MAML3: variants seen among roughly 807,000 people sequenced by gnomAD.
MAML3 encodes mastermind like transcriptional coactivator 3.
In MAML3, 27 loss-of-function variants were observed where a neutral mutation model predicts 101.9. The observed-to-expected ratio is 0.27, with a 90% CI of 0.20 to 0.37. The LOEUF (loss-of-function observed/expected upper bound fraction) is 0.37. MAML3 is among the 10% of genes least tolerant of loss of function. The probability of loss-of-function intolerance (pLI) is 1.00; values close to 1 mark genes in which losing one functional copy is unlikely to be tolerated. For synonymous variants in MAML3, 501 were observed against 555.9 expected (o/e 0.90, Z 1.39); for missense variants, 1,316 against 1,444.9 (o/e 0.91, Z 1.45).
At chr4:139,889,116 A>G (rs1258703609) in intron 2 of MAML3, 1 of 761,380 alleles carries the variant, frequency 1.3e-6, no homozygotes, top group East Asian at 2.7e-5. Flanking sequence ...GCAGTTGGGA[A>G]TAAAAGAAGT....
In MAML3 at chr4:140,152,934, G is replaced by C; in HGVS notation, c.394C>G (p.Gln132Glu). 1 of 1,612,848 alleles carries C rather than the reference G, an allele frequency of 6.2e-7. No homozygotes were observed. Among genetic ancestry groups the C allele is most frequent in the Non-Finnish European group, 8.5e-7 (1 of 1,179,666 alleles). ...TGCTGGGGTTTGCTCGGGTGCTGCT[G>C]TTTGCCGGTGCCGGCGCCCGATTTC... ...AKKSGAGTGK[Q>E]QHPSKPQQDA... The change falls in exon 1 of 5, where the codon CAG (glutamine) becomes GAG (glutamate). Residue 132 changes from glutamine to glutamate, a missense_variant. Transcript: ENST00000509479.
intron 4 of MAML3, among the ~76,000 whole-genome samples, chr4:139,724,939 T>TA (rs1728404989): frequency 6.6e-6 from 1 of 152,146 alleles, no homozygotes; most frequent in Non-Finnish European, 1.5e-5. Flanking sequence ...TTTGCATTTT[T>TA]AGAGAGACAG....
chr4:140,011,163 TATG>T (rs1207822105), intron 1 of MAML3, among the ~76,000 whole-genome samples: 756 of 74,784 alleles, frequency 0.01, 3 homozygotes, highest in East Asian at 0.039. Flanking sequence ...TATTTATATA[TATG>T]ACATATATGT....
chr4:139,986,100 T>C (rs4863713), intron 1 of MAML3, among the ~76,000 whole-genome samples: 100,251 of 152,188 alleles, frequency 0.66, 33,449 homozygotes, highest in East Asian at 0.91. Flanking sequence ...CAGACCAGCA[T>C]GTGCTTTCTG....
intron 2 of MAML3, among the ~76,000 whole-genome samples, chr4:139,868,204 G>A (rs1311428681): frequency 6.6e-6 from 1 of 152,138 alleles, no homozygotes; most frequent in African/African-American, 2.4e-5. Context: ...GGAAAATGGT[G>A]ACTGTGCAAT....
chr4:139,905,009 C>G (rs575140280), intron 1 of MAML3, among the ~76,000 whole-genome samples: 1 of 152,170 alleles, frequency 6.6e-6, no homozygotes, highest in Non-Finnish European at 1.5e-5. Flanking sequence ...TATGTAGCAC[C>G]TGACTGTGGT....
intron 2 of MAML3, among the ~76,000 whole-genome samples, chr4:139,830,657 G>T (rs983080874): frequency 1.3e-5 from 2 of 151,782 alleles, no homozygotes; most frequent in Non-Finnish European, 2.9e-5. Context: ...CTCGTGATCC[G>T]CCCGCCTCGG....
At chr4:139,973,466 G>A (rs777340113) in intron 1 of MAML3, among the ~76,000 whole-genome samples, 1 of 152,178 alleles carries the variant, frequency 6.6e-6, no homozygotes, top group Non-Finnish European at 1.5e-5. Context: ...GCGGGTCTAC[G>A]TCGTAAAGGT....
chr4:139,981,365 TA>T, intron 1 of MAML3, among the ~76,000 whole-genome samples: 1 of 152,244 alleles, frequency 6.6e-6, no homozygotes, highest in Non-Finnish European at 1.5e-5. Context: ...TCTGAGGTAC[TA>T]GGGCTTTAGA....
intron 1 of MAML3, among the ~76,000 whole-genome samples, chr4:140,093,407 T>C (rs1486979523): frequency 1.4e-5 from 2 of 142,858 alleles, no homozygotes; most frequent in African/African-American, 2.5e-5. Context: ...CTAAGACTCA[T>C]GTTTGTTTGT....
intron 1 of MAML3, among the ~76,000 whole-genome samples, chr4:140,098,315 GTTTTC>G (rs938113675): frequency 2.1e-4 from 32 of 152,272 alleles, no homozygotes; most frequent in African/African-American, 7.7e-4. Flanking sequence ...TCTAGACCTT[GTTTTC>G]TTCATCTGTG....
chr4:139,832,090 G>GCGCC (rs141974241), intron 2 of MAML3, among the ~76,000 whole-genome samples: 6,643 of 90,634 alleles, frequency 0.073, 384 homozygotes, highest in African/African-American at 0.15. Context: ...ATCATGCCCA[G>GCGCC]CCCCTTTTTT....
In MAML3 at chr4:139,904,941, G is replaced by A. The variant is rs541546023; in HGVS notation, c.469-13974C>T. Among the ~76,000 whole-genome samples the A allele has an allele frequency of 1.6e-4, 25 of 152,306 alleles. No individual in the cohort carries two copies. In the South Asian group the frequency reaches 3.5e-3, roughly 21 times the overall value. ...ACAGTAAAAACATGAAAAATGTGGCGTTACAATCTTGTGGAACCACCATCA... is the reference window on the plus strand; with the variant it reads ...ACAGTAAAAACATGAAAAATGTGGCATTACAATCTTGTGGAACCACCATCA... On this transcript the variant is annotated intron_variant, in intron 1 of 4. Coordinates refer to ENST00000509479, the MANE Select transcript of MAML3 (RefSeq NM_018717.5).
chr4:139,999,541 C>T (rs1425598910), intron 1 of MAML3, among the ~76,000 whole-genome samples: 2 of 152,154 alleles, frequency 1.3e-5, no homozygotes, highest in Admixed American at 1.3e-4. Flanking sequence ...TCATTTTGTC[C>T]AGCCTTATAT....
chr4:139,889,706 A>G lies in MAML3; in HGVS notation c.1730T>C (p.Met577Thr). ...CAAGTTATTTGGCTGCTGATTGATC[A>G]TATTCATGTGATTCTGAGGGAGGTA... ...NNYLPQNHMNMINQQPNNLGT... is the reference protein window; with the variant it reads ...NNYLPQNHMNTINQQPNNLGT... Residue 577 changes from methionine to threonine, a missense_variant, in exon 2 of 5, where the codon ATG becomes ACG. Transcript: ENST00000509479. The G allele has an allele frequency of 6.2e-7, 1 of 1,613,954 alleles. No homozygotes were observed. The highest frequency in any genetic ancestry group is 8.5e-7 in the Non-Finnish European group (1 of 1,179,888).
rs2110997940 is a variant in MAML3 at position 140,102,295 on chromosome 4, T to C, written c.468+50565A>G. Among the ~76,000 whole-genome samples, 2 of 152,308 alleles carry C rather than the reference T, an allele frequency of 1.3e-5. 1 individual carries two copies. The highest frequency in any genetic ancestry group is 4.1e-4 in the South Asian group (2 of 4,824). On this transcript the variant is annotated intron_variant, in intron 1 of 4. Coordinates refer to ENST00000509479, the MANE Select transcript of MAML3 (RefSeq NM_018717.5). Reference sequence around the variant, plus strand: ...AAATGGAATCCTAGAGAGACTTCATTTTTCTCCTATATTTGTATTTAGCAA... The same window carrying C: ...AAATGGAATCCTAGAGAGACTTCATCTTTCTCCTATATTTGTATTTAGCAA...
chr4:140,131,900 T>C (rs1728800302), intron 1 of MAML3, among the ~76,000 whole-genome samples: 1 of 152,260 alleles, frequency 6.6e-6, no homozygotes, highest in Admixed American at 6.5e-5. Context: ...TCCACCCACA[T>C]ACATTCAGGA....
rs1378537744 is a variant in MAML3, at chr4:139,889,827, G to T, written c.1609C>A (p.Pro537Thr). The stretch of plus-strand genomic sequence containing the variant: ...TGGGGGTACATCATTGGGCTATTTG[G>T]TTTTTCTGCAGTAAAAGCTGCTCCA... ...PYGAAFTAEK[P>T]NSPMMYPQAF... Residue 537 changes from proline (P) to threonine (T), a missense_variant, in exon 2 of 5, where the codon CCA becomes ACA. By Grantham distance (38) the Pro-to-Thr change is conservative (BLOSUM62 -1). Coordinates refer to ENST00000509479, the MANE Select transcript of MAML3 (RefSeq NM_018717.5). 1.2e-6 allele frequency: 2 copies of T among 1,613,890 alleles called. No individual in the cohort carries two copies. The highest frequency in any genetic ancestry group is 1.3e-5 in the African/African-American group (1 of 74,984).
chr4:139,893,724 C>T (rs1313273158), intron 1 of MAML3, among the ~76,000 whole-genome samples: 1 of 152,066 alleles, frequency 6.6e-6, no homozygotes, highest in Non-Finnish European at 1.5e-5. Context: ...CTTAACTGGA[C>T]TCATTTTAAA....
Sources: allele counts gnomAD v4.1 joint callset (sites outside exome capture counted in the v4.1 genomes callset), GRCh38; gene constraint gnomAD v4.1.1; transcripts MANE v1.5; gene names NCBI Gene and HGNC (gene_info 2026-07-23, HGNC 2026-07-21).